Variants in DNAAF9 observed in about 807,000 individuals in gnomAD.
The protein encoded by DNAAF9 is dynein axonemal assembly factor 9.
DNAAF9 carries 90 observed loss-of-function variants against 167.0 expected under a neutral mutation model. The ratio of observed to expected loss-of-function variants is 0.54; its 90% CI spans 0.45 to 0.64. The LOEUF (loss-of-function observed/expected upper bound fraction) is 0.64, where lower values mean the gene tolerates loss of function less well. Among genes scored for constraint, DNAAF9 ranks in the 30% least tolerant of loss-of-function variants. The pLI is 0.00. For synonymous variants in DNAAF9, 491 were observed against 508.8 expected (o/e 0.96, Z 0.47); for missense variants, 1,315 against 1,442.2 (o/e 0.91, Z 1.43).
intron 12 of DNAAF9, among the ~76,000 whole-genome samples, chr20:3,328,188 T>TTTTTTGTTTGTTTGTTTTG (rs369376730): frequency 0.019 from 2,672 of 138,824 alleles, 81 homozygotes; most frequent in African/African-American, 0.069. Context: ...GCTCTGTTTT[T>TTTTTTGTTTGTTTGTTTTG]TTTTTTTTTT....
At chr20:3,390,180 C>T (rs909946536) in intron 1 of DNAAF9, among the ~76,000 whole-genome samples, 26 of 152,202 alleles carry the variant, frequency 1.7e-4, no homozygotes, top group African/African-American at 5.5e-4. Flanking sequence ...GTAGGATGTC[C>T]TTTATTTTAG....
At chr20:3,263,347 AAGTG>A (rs1160460559) in intron 31 of DNAAF9, among the ~76,000 whole-genome samples, 2 of 152,182 alleles carry the variant, frequency 1.3e-5, no homozygotes, top group African/African-American at 4.8e-5. Flanking sequence ...TGCTTGGGAA[AAGTG>A]AGTAAGAATA....
At chr20:3,292,906 G>A (rs1439589007) in intron 25 of DNAAF9, among the ~76,000 whole-genome samples, 1 of 152,032 alleles carries the variant, frequency 6.6e-6, no homozygotes, top group African/African-American at 2.4e-5. Context: ...CCAACATGGT[G>A]AAACCACATC....
chr20:3,375,493 T>G lies in DNAAF9; in HGVS notation c.409-367A>C, dbSNP rs145275695. ...CAAACTTGATTTCCAGTCAAACCCC[T>G]GAAAAGGGCCCAAAGGGAAAGAAAA... On this transcript the variant is annotated intron_variant, in intron 4 of 36. Coordinates refer to ENST00000252032, the MANE Select transcript of DNAAF9 (RefSeq NM_001009984.3). Among the ~76,000 whole-genome samples the G allele has an allele frequency of 5.4e-3, 823 of 152,022 alleles. 2 individuals carry two copies. Among genetic ancestry groups the G allele is most frequent in the Middle Eastern group, 6.8e-3 (2 of 294 alleles).
chr20:3,314,217 A>C (rs2069462874), intron 20 of DNAAF9, among the ~76,000 whole-genome samples: 1 of 152,206 alleles, frequency 6.6e-6, no homozygotes, highest in African/African-American at 2.4e-5. Flanking sequence ...TAGATATTTA[A>C]GCCCATGAGA....
chr20:3,301,846 G>A (rs1451905064), intron 21 of DNAAF9, among the ~76,000 whole-genome samples: 8 of 151,402 alleles, frequency 5.3e-5, no homozygotes, highest in East Asian at 3.9e-4. Flanking sequence ...ACAACTCTTC[G>A]CAGAAAAAAA....
chr20:3,250,278 CAG>C lies in DNAAF9; in HGVS notation c.*2292_*2293del, dbSNP rs1316349160. 6.6e-6 allele frequency: 1 copy of C among 152,236 alleles called. No individual in the cohort carries two copies. Among genetic ancestry groups the C allele is most frequent in the Admixed American group, 6.5e-5 (1 of 15,274 alleles). The allele number at this position is 152,236 out of a possible 1,614,324, so 9.4% of individuals were successfully genotyped here. On this transcript the variant is annotated 3_prime_UTR_variant, in exon 37 of 37. Transcript: ENST00000252032. ...CAAGTGGATACTGACCTTCACAGAACAGAGAGGCCTGGCAGGTTCCAGGAGGC... is the reference window on the plus strand; with the variant it reads ...CAAGTGGATACTGACCTTCACAGAACAGAGGCCTGGCAGGTTCCAGGAGGC...
chr20:3,350,140 G>GACACACACACAC (rs1491384105), intron 7 of DNAAF9, among the ~76,000 whole-genome samples: 116 of 115,766 alleles, frequency 1.0e-3, no homozygotes, highest in Middle Eastern at 5.4e-3. Context: ...CAGACACACA[G>GACACACACACAC]ACACACAGAC....
Position 3,252,512 on chromosome 20 carries a change from A to G in DNAAF9, c.*60T>C. 2.2e-6 allele frequency: 2 copies of G among 913,652 alleles called. No homozygotes were observed. The highest frequency in any genetic ancestry group is 3.2e-5 in the African/African-American group (2 of 61,654). The allele number at this position is 913,652 out of a possible 1,614,324, so 56.6% of individuals were successfully genotyped here. On this transcript the variant is annotated 3_prime_UTR_variant, in exon 37 of 37. Transcript: ENST00000252032. ...GGCCTCCAGCAGAGCTGAGGTTAAG[A>G]CACCCGTTCGTCCATCTCCAAGGTG...
intron 21 of DNAAF9, among the ~76,000 whole-genome samples, chr20:3,299,600 C>T (rs760095943): frequency 1.3e-5 from 2 of 152,230 alleles, no homozygotes; most frequent in Non-Finnish European, 2.9e-5. Context: ...GCGTGAGCCA[C>T]CGCACCCGGC....
intron 20 of DNAAF9, among the ~76,000 whole-genome samples, chr20:3,309,025 A>G (rs993171631): frequency 2.0e-5 from 3 of 152,136 alleles, no homozygotes; most frequent in Non-Finnish European, 2.9e-5. Flanking sequence ...TAAGGCTTCA[A>G]CACTGGAATT....
chr20:3,362,733 A>C (rs1046791938), intron 6 of DNAAF9, among the ~76,000 whole-genome samples: 1 of 152,154 alleles, frequency 6.6e-6, no homozygotes, highest in Non-Finnish European at 1.5e-5. Context: ...AGACAAATTC[A>C]CCCCGACTGA....
At chr20:3,290,026 T>C (rs2068922431) in intron 26 of DNAAF9, 103 bp downstream of exon 26, 4 of 742,144 alleles carry the variant, frequency 5.4e-6, no homozygotes, top group Admixed American at 3.9e-5. Flanking sequence ...ACCATGCTGA[T>C]ACCAGTCCCA....
At chr20:3,254,615 C>A (rs1165215564) in intron 35 of DNAAF9, among the ~76,000 whole-genome samples, 3 of 152,202 alleles carry the variant, frequency 2.0e-5, no homozygotes, top group African/African-American at 7.2e-5. Flanking sequence ...CTCCTCAAAT[C>A]CAAAGCAGGG....
chr20:3,290,449 T>C (rs537207914), intron 25 of DNAAF9, among the ~76,000 whole-genome samples: 3 of 152,310 alleles, frequency 2.0e-5, no homozygotes, highest in Admixed American at 6.5e-5. Context: ...ATGTAGCAAA[T>C]ACCATATAAA....
chr20:3,278,839 C>G, intron 29 of DNAAF9, 73 bp downstream of exon 29: 1 of 1,127,746 alleles, frequency 8.9e-7, no homozygotes, highest in Non-Finnish European at 1.4e-6. Context: ...GGTAAGAGCA[C>G]GAAGAAAAGT....
chr20:3,345,439 T>C (rs1414462032), intron 8 of DNAAF9, among the ~76,000 whole-genome samples: 1 of 152,194 alleles, frequency 6.6e-6, no homozygotes, highest in Non-Finnish European at 1.5e-5. Context: ...TCTCTAGAGA[T>C]GAGTTGACAA....
At chr20:3,402,186 A>G (rs768838882) in intron 1 of DNAAF9, among the ~76,000 whole-genome samples, 2 of 152,134 alleles carry the variant, frequency 1.3e-5, no homozygotes, top group Non-Finnish European at 2.9e-5. Flanking sequence ...TCCTGATCCT[A>G]TCTATGTGAC....
At chr20:3,343,629 AT>A in intron 9 of DNAAF9, 46 bp downstream of exon 9, 1 of 1,516,506 alleles carries the variant, frequency 6.6e-7, no homozygotes, top group Non-Finnish European at 9.1e-7. Flanking sequence ...TGCCACCTCC[AT>A]TTTCTCTATC....
Sources: allele counts gnomAD v4.1 joint callset (sites outside exome capture counted in the v4.1 genomes callset), GRCh38; gene constraint gnomAD v4.1.1; transcripts MANE v1.5; gene names NCBI Gene and HGNC (gene_info 2026-07-23, HGNC 2026-07-21).